CHFR: variants seen among roughly 807,000 people sequenced by gnomAD.
CHFR encodes the protein checkpoint with forkhead and ring finger domains.
CHFR carries 57 observed loss-of-function variants against 87.6 expected under a neutral mutation model. The observed-to-expected ratio is 0.65, with a 90% CI of 0.53 to 0.81. CHFR has a LOEUF of 0.81. CHFR is among the 30% of genes least tolerant of loss of function. CHFR has a pLI of 0.00. For synonymous variants in CHFR, 381 were observed against 359.2 expected, an observed-to-expected ratio of 1.06 and a Z score of -0.69; for missense variants, 797 against 865.8, an observed-to-expected ratio of 0.92 and a Z score of 1.00.
At chr12:132,863,528 C>T (rs2136990793) in intron 6 of CHFR, among the ~76,000 whole-genome samples, 1 of 151,962 alleles carries the variant, frequency 6.6e-6, no homozygotes, top group African/African-American at 2.4e-5. Flanking sequence ...TAAAACAAAA[C>T]AAACAAACAA....
intron 6 of CHFR, among the ~76,000 whole-genome samples, chr12:132,865,404 G>A (rs977795778): frequency 1.3e-5 from 2 of 152,018 alleles, no homozygotes; most frequent in South Asian, 2.1e-4. Flanking sequence ...GCCCAGGCTG[G>A]AGTGCAGTGA....
intron 2 of CHFR, among the ~76,000 whole-genome samples, chr12:132,879,610 C>T (rs1453809218): frequency 6.6e-6 from 1 of 150,648 alleles, no homozygotes. Context: ...AGGATGGTCT[C>T]GATCTCTTGA....
intron 4 of CHFR, among the ~76,000 whole-genome samples, chr12:132,871,000 G>A (rs1456117517): frequency 6.6e-6 from 1 of 152,188 alleles, no homozygotes; most frequent in Admixed American, 6.5e-5. Flanking sequence ...GCATCAGGAG[G>A]CAGAAGAAGG....
Position 132,837,810 on chromosome 12 carries a change from G to A in CHFR, c.*3744C>T, listed in dbSNP as rs1315161889. On this transcript the variant is annotated 3_prime_UTR_variant, in exon 18 of 18. Transcript: ENST00000450056. ...CTGCAGCCGCCCTCAGAAGGCGCAGGAGCTAGCGTGCATGCCAAAACGGAG... is the reference window on the plus strand; with the variant it reads ...CTGCAGCCGCCCTCAGAAGGCGCAGAAGCTAGCGTGCATGCCAAAACGGAG... 2 of 152,388 alleles carry A rather than the reference G, an allele frequency of 1.3e-5. No homozygotes were observed. The highest frequency in any genetic ancestry group is 2.4e-5 in the African/African-American group (1 of 41,476). The allele number at this position is 152,388 out of a possible 1,614,324, so 9.4% of individuals were successfully genotyped here.
At chr12:132,850,442 G>A (rs991778075) in intron 12 of CHFR, among the ~76,000 whole-genome samples, 1 of 152,148 alleles carries the variant, frequency 6.6e-6, no homozygotes, top group African/African-American at 2.4e-5. Flanking sequence ...TGACCACCGC[G>A]TGTGTGAGAC....
chr12:132,866,176 T>C (rs373530982), intron 6 of CHFR: 21 of 152,332 alleles, frequency 1.4e-4, no homozygotes, highest in African/African-American at 4.6e-4. Flanking sequence ...GGAAACTACA[T>C]AGCACTCACT....
At chr12:132,854,802 T>G (rs1467353311) in intron 10 of CHFR, 1 of 150,174 alleles carries the variant, frequency 6.7e-6, no homozygotes, top group Non-Finnish European at 1.5e-5. Flanking sequence ...CGAAACTCCA[T>G]CTCAAAAAAC....
At chr12:132,852,782 G>A (rs920381074) in intron 11 of CHFR, among the ~76,000 whole-genome samples, 2 of 152,232 alleles carry the variant, frequency 1.3e-5, no homozygotes, top group Non-Finnish European at 2.9e-5. Flanking sequence ...GCACAAGGAT[G>A]TGGCTCTACA....
intron 12 of CHFR, chr12:132,849,672 T>G (rs1474133842): frequency 6.6e-6 from 1 of 151,302 alleles, no homozygotes; most frequent in Non-Finnish European, 1.5e-5. Flanking sequence ...CTCGGCTCAC[T>G]GCAACCTCCG....
At chr12:132,853,700 G>A in intron 10 of CHFR, 127 bp from the exon 11 acceptor site, 1 of 1,185,808 alleles carries the variant, frequency 8.4e-7, no homozygotes, top group South Asian at 1.6e-5. Context: ...GTGAGGGGAA[G>A]GGCCGGGCCC....
At chr12:132,863,159 G>C (rs1951254808) in intron 6 of CHFR, among the ~76,000 whole-genome samples, 1 of 148,644 alleles carries the variant, frequency 6.7e-6, no homozygotes, top group African/African-American at 2.5e-5. Flanking sequence ...GCCTCCCAAA[G>C]TGCTGGGATT....
chr12:132,885,415 AATAT>A (rs1464125212), intron 2 of CHFR, among the ~76,000 whole-genome samples: 6 of 106,472 alleles, frequency 5.6e-5, no homozygotes, highest in South Asian at 3.3e-4. Flanking sequence ...TGTCTCAAAA[AATAT>A]ATAAATAAAT....
Position 132,872,360 on chromosome 12 carries a change from C to T in CHFR, c.268G>A (p.Val90Ile). ...SGTVINKLKV[V>I]KKQTCPLQTG... ...TGTAAAGGGCATGTCTGCTTCTTAACAACCTTCAGCTTGTTAATCACTGTT... is the reference window on the plus strand; with the variant it reads ...TGTAAAGGGCATGTCTGCTTCTTAATAACCTTCAGCTTGTTAATCACTGTT... The change falls in exon 4 of 18, where the codon GTT becomes ATT. Residue 90 changes from valine (V) to isoleucine (I), a missense_variant. Transcript: ENST00000450056. 1 of 1,613,564 alleles carries T rather than the reference C, an allele frequency of 6.2e-7. No homozygotes were observed. Among genetic ancestry groups the T allele is most frequent in the Non-Finnish European group, 8.5e-7 (1 of 1,179,454 alleles).
At chr12:132,853,329 C>G (rs1401549126) in intron 11 of CHFR, 102 bp downstream of exon 11, 9 of 1,263,660 alleles carry the variant, frequency 7.1e-6, no homozygotes, top group Non-Finnish European at 7.2e-6. Flanking sequence ...GCGAGCAGTG[C>G]AGACAGGAGG....
chr12:132,865,651 G>GTTTTTTT (rs1241641864), intron 6 of CHFR, among the ~76,000 whole-genome samples: 1 of 127,102 alleles, frequency 7.9e-6, no homozygotes, highest in Non-Finnish European at 1.6e-5. Context: ...GGGATTACAG[G>GTTTTTTT]TCTTTTTTTT....
chr12:132,864,609 C>G (rs1951292550), intron 6 of CHFR, among the ~76,000 whole-genome samples: 1 of 152,196 alleles, frequency 6.6e-6, no homozygotes, highest in African/African-American at 2.4e-5. Context: ...ATGCCTCAGC[C>G]TCCCGAGTAG....
chr12:132,887,159 C>A, intron 2 of CHFR, 37 bp downstream of exon 2: 1 of 1,444,212 alleles, frequency 6.9e-7, no homozygotes, highest in South Asian at 1.4e-5. Flanking sequence ...GTGGCTCTGC[C>A]CGGCCCCGGC....
At chr12:132,846,605 G>A (rs1203018198) in intron 15 of CHFR, among the ~76,000 whole-genome samples, 1 of 151,926 alleles carries the variant, frequency 6.6e-6, no homozygotes, top group Non-Finnish European at 1.5e-5. Flanking sequence ...TGAAGGCCGG[G>A]CATAGTGGCT....
chr12:132,887,169 C>CCCCCGG, intron 2 of CHFR, 27 bp downstream of exon 2: 2 of 1,447,350 alleles, frequency 1.4e-6, no homozygotes, highest in Non-Finnish European at 1.8e-6. Flanking sequence ...CCGGCCCCGG[C>CCCCCGG]CCCCGGCCCC....
Sources: gnomAD v4.1 joint callset for allele counts (sites outside exome capture counted in the v4.1 genomes callset) on GRCh38, gnomAD v4.1.1 for gene constraint, MANE v1.5 for transcripts, NCBI Gene and HGNC (gene_info 2026-07-23, HGNC 2026-07-21) for gene names.